The following ARHGEF12 variants were observed in gnomAD, a reference collection of about 807,000 sequenced individuals.
The protein encoded by ARHGEF12 is Rho guanine nucleotide exchange factor 12, also known as KMT2A/ARHGEF12 fusion protein.
ARHGEF12 carries 66 observed loss-of-function variants against 211.2 expected under a neutral mutation model. The ratio of observed to expected loss-of-function variants is 0.31; its 90% CI spans 0.26 to 0.38. The LOEUF (loss-of-function observed/expected upper bound fraction) is 0.38. Among genes scored for constraint, ARHGEF12 ranks in the 10% least tolerant of loss-of-function variants. ARHGEF12 has a pLI of 1.00. For synonymous variants in ARHGEF12, 592 were observed against 638.4 expected, an observed-to-expected ratio of 0.93 and a Z score of 1.09; for missense variants, 1,429 against 1,869.5, an observed-to-expected ratio of 0.76 and a Z score of 4.34.
chr11:120,386,866 A>G (rs1565444791), intron 1 of ARHGEF12, among the ~76,000 whole-genome samples: 1 of 152,134 alleles, frequency 6.6e-6, no homozygotes, highest in Non-Finnish European at 1.5e-5. Flanking sequence ...TAAGTGATTT[A>G]CCATAAGTAA....
chr11:120,391,855 A>T (rs1944228386), intron 1 of ARHGEF12, among the ~76,000 whole-genome samples: 1 of 152,252 alleles, frequency 6.6e-6, no homozygotes, highest in East Asian at 1.9e-4. Context: ...AGTGAGGGAG[A>T]GAAATAATAT....
At chr11:120,484,715 C>T (rs907286072) in intron 40 of ARHGEF12, among the ~76,000 whole-genome samples, 1 of 152,234 alleles carries the variant, frequency 6.6e-6, no homozygotes, top group Non-Finnish European at 1.5e-5. Flanking sequence ...TGTCAGTTCC[C>T]ATACCATCCC....
chr11:120,376,324 C>T (rs632137), intron 1 of ARHGEF12, among the ~76,000 whole-genome samples: 15,718 of 151,752 alleles, frequency 0.1, 1,731 homozygotes, highest in East Asian at 0.64. Flanking sequence ...CTTTCCTTTC[C>T]TGTCGAATTC....
intron 26 of ARHGEF12, 46 bp from the exon 27 acceptor site, chr11:120,460,626 C>G (rs764270118): frequency 1.3e-6 from 2 of 1,522,290 alleles, no homozygotes; most frequent in South Asian, 1.2e-5. Context: ...GTAATTCTGT[C>G]TACACTGAAT....
At chr11:120,462,307 A>AAC (rs1446708802) in intron 27 of ARHGEF12, among the ~76,000 whole-genome samples, 1 of 152,230 alleles carries the variant, frequency 6.6e-6, no homozygotes, top group Non-Finnish European at 1.5e-5. Context: ...GGGCGGTCAG[A>AAC]ACACACACAA....
intron 34 of ARHGEF12, 191 bp from the exon 35 acceptor site, chr11:120,477,028 T>C (rs944047924): frequency 4.9e-6 from 3 of 616,080 alleles, no homozygotes; most frequent in Non-Finnish European, 8.4e-6. Flanking sequence ...AGTTTTGGAC[T>C]CTCGCCTTAA....
chr11:120,440,048 T>C (rs1945823721), intron 12 of ARHGEF12, 81 bp from the exon 13 acceptor site: 2 of 988,254 alleles, frequency 2.0e-6, no homozygotes, highest in Non-Finnish European at 3.1e-6. Flanking sequence ...GAACCATGTC[T>C]TTTTGATGGG....
At chr11:120,353,266 G>A (rs544269160) in intron 1 of ARHGEF12, among the ~76,000 whole-genome samples, 2 of 152,286 alleles carry the variant, frequency 1.3e-5, no homozygotes, top group South Asian at 4.2e-4. Flanking sequence ...AGAATCTTGG[G>A]AAGTCCCAGG....
intron 1 of ARHGEF12, among the ~76,000 whole-genome samples, chr11:120,362,135 G>A (rs556493894): frequency 6.6e-6 from 1 of 152,182 alleles, no homozygotes; most frequent in Non-Finnish European, 1.5e-5. Context: ...TCTCAAATTG[G>A]CTGAATACAT....
rs757545938 is a variant in ARHGEF12 at position 120,421,864 on chromosome 11, G to A, written c.348+12G>A. On this transcript the variant is annotated intron_variant, in intron 6 of 40. Coordinates refer to ENST00000397843, the MANE Select transcript of ARHGEF12 (RefSeq NM_015313.3). The stretch of plus-strand genomic sequence containing the variant: ...ATCGAATCATCAAGGTAAGGAATAG[G>A]CTATTATAGAATTTACGGTAGGATT... 11 of 1,601,740 alleles carry A rather than the reference G, an allele frequency of 6.9e-6. No individual in the cohort carries two copies. In the South Asian group the frequency reaches 8.9e-5, roughly 13 times the overall value.
rs1205435774 is a variant in ARHGEF12 at position 120,486,581 on chromosome 11, G to A, written c.*1504G>A. On this transcript the variant is annotated 3_prime_UTR_variant, in exon 41 of 41. Transcript: ENST00000397843. ...GGTATATATTTTTTGAAGTATTTTT[G>A]CCAACTAAAATGAAGTCTGTAAATT... The A allele has an allele frequency of 4.4e-6, 1 of 225,700 alleles. No homozygotes were observed. Among genetic ancestry groups the A allele is most frequent in the Middle Eastern group, 1.3e-3 (1 of 760 alleles). The allele number at this position is 225,700 out of a possible 1,614,324, so 14.0% of individuals were successfully genotyped here. A position where few individuals can be genotyped will look rare whatever the true frequency, so the allele number is the denominator to read the frequency against.
intron 11 of ARHGEF12, among the ~76,000 whole-genome samples, chr11:120,435,862 G>A (rs998972399): frequency 1.2e-4 from 19 of 152,114 alleles, no homozygotes; most frequent in Admixed American, 5.9e-4. Context: ...TGATCAAAAT[G>A]CCTAGATCCA....
At chr11:120,354,519 T>G (rs551987223) in intron 1 of ARHGEF12, among the ~76,000 whole-genome samples, 11 of 152,342 alleles carry the variant, frequency 7.2e-5, no homozygotes, top group Admixed American at 7.2e-4. Flanking sequence ...GTCTCTGAAA[T>G]TCTGTGACAT....
At chr11:120,461,968 A>G (rs1946548442) in intron 27 of ARHGEF12, among the ~76,000 whole-genome samples, 1 of 152,196 alleles carries the variant, frequency 6.6e-6, no homozygotes. Flanking sequence ...GGCTGATTTC[A>G]TCTTCTTTAT....
intron 7 of ARHGEF12, 111 bp from the exon 8 acceptor site, chr11:120,427,958 C>A (rs1199790079): frequency 1.1e-6 from 1 of 917,484 alleles, no homozygotes; most frequent in Non-Finnish European, 1.6e-6. Flanking sequence ...GACTGTCTTA[C>A]ATAACTGGAT....
At chr11:120,421,455 T>TTTTTTTTTTG (rs1555109035) in intron 5 of ARHGEF12, among the ~76,000 whole-genome samples, 2 of 99,962 alleles carry the variant, frequency 2.0e-5, no homozygotes, top group Non-Finnish European at 2.0e-5. Flanking sequence ...TTTTTTTTTT[T>TTTTTTTTTTG]GGAGATGGAG....
At chr11:120,478,636 G>A (rs1462500267) in intron 37 of ARHGEF12, among the ~76,000 whole-genome samples, 1 of 152,190 alleles carries the variant, frequency 6.6e-6, no homozygotes. Context: ...GTTGTATTGA[G>A]GTGGGAAAAA....
chr11:120,472,181 G>A (rs961941510), intron 30 of ARHGEF12, among the ~76,000 whole-genome samples: 1 of 151,968 alleles, frequency 6.6e-6, no homozygotes, highest in African/African-American at 2.4e-5. Context: ...ATTTCAATGA[G>A]GAATACATAT....
chr11:120,487,032 G>C lies in ARHGEF12; in HGVS notation c.*1955G>C. On this transcript the variant is annotated 3_prime_UTR_variant, in exon 41 of 41. Coordinates refer to ENST00000397843, the MANE Select transcript of ARHGEF12 (RefSeq NM_015313.3). The stretch of plus-strand genomic sequence containing the variant: ...AAAAACCAAATGGTTACATTGTGCT[G>C]CTAGAAATAATGTCATTCTCAATTA... 1 of 216,462 alleles carries C rather than the reference G, an allele frequency of 4.6e-6. No individual in the cohort carries two copies. Among genetic ancestry groups the C allele is most frequent in the Non-Finnish European group, 9.3e-6 (1 of 107,270 alleles). 13.4% of individuals were successfully genotyped at this position (216,462 alleles called of 1,614,324 possible). A position where few individuals can be genotyped will look rare whatever the true frequency, so the allele number is the denominator to read the frequency against.
Sources: gnomAD v4.1 joint callset for allele counts (sites outside exome capture counted in the v4.1 genomes callset) on GRCh38, gnomAD v4.1.1 for gene constraint, MANE v1.5 for transcripts, NCBI Gene and HGNC (gene_info 2026-07-23, HGNC 2026-07-21) for gene names.